Variants in AGMO observed in about 807,000 individuals in gnomAD.
The protein encoded by AGMO is alkylglycerol monooxygenase.
AGMO carries 75 observed loss-of-function variants against 60.2 expected under a neutral mutation model. That is an observed-to-expected ratio of 1.25 (90% CI 1.03 to 1.51). The LOEUF is 1.51. Ranked by LOEUF, AGMO falls within the 40% of genes most tolerant of loss-of-function variation. The pLI is 0.00. For synonymous variants in AGMO, 261 were observed against 177.1 expected (o/e 1.47, Z -3.76); for missense variants, 763 against 525.5 (o/e 1.45, Z -4.42).
chr7:15,496,462 G>T (rs775848511), intron 3 of AGMO, among the ~76,000 whole-genome samples: 16 of 151,818 alleles, frequency 1.1e-4, no homozygotes, highest in Non-Finnish European at 2.2e-4. Flanking sequence ...TAAACTCAGG[G>T]TTTCTCCCCT....
intron 12 of AGMO, among the ~76,000 whole-genome samples, chr7:15,287,741 A>G (rs1784139309): frequency 1.3e-5 from 2 of 152,198 alleles, no homozygotes; most frequent in Non-Finnish European, 2.9e-5. Context: ...AAATGTCTTC[A>G]TTAGCATCAA....
At chr7:15,384,409 C>A (rs1783828147) in intron 10 of AGMO, among the ~76,000 whole-genome samples, 1 of 152,136 alleles carries the variant, frequency 6.6e-6, no homozygotes. Flanking sequence ...CATATATTGT[C>A]AACATTTTTA....
intron 3 of AGMO, among the ~76,000 whole-genome samples, chr7:15,456,815 A>G (rs1409419105): frequency 6.6e-6 from 1 of 152,030 alleles, no homozygotes; most frequent in African/African-American, 2.4e-5. Context: ...AGCTTTCTTG[A>G]TTTAGCTAAC....
At chr7:15,473,978 G>C (rs1407660384) in intron 3 of AGMO, among the ~76,000 whole-genome samples, 1 of 151,984 alleles carries the variant, frequency 6.6e-6, no homozygotes, top group East Asian at 1.9e-4. Flanking sequence ...AAAATACCTA[G>C]GAATACAATC....
intron 6 of AGMO, 42 bp from the exon 7 acceptor site, chr7:15,390,947 T>A (rs771255235): frequency 3.1e-6 from 4 of 1,280,616 alleles, no homozygotes; most frequent in Non-Finnish European, 4.4e-6. Context: ...AGAAAAATAG[T>A]TATGCTTTTT....
At chr7:15,442,486 C>A (rs12699717) in intron 3 of AGMO, among the ~76,000 whole-genome samples, 52,370 of 152,004 alleles carry the variant, frequency 0.34, 10,802 homozygotes, top group Non-Finnish European at 0.48. Context: ...GTACAGATAA[C>A]CTCATGTCAT....
chr7:15,411,739 A>G (rs1354674790), intron 5 of AGMO, among the ~76,000 whole-genome samples: 1 of 152,100 alleles, frequency 6.6e-6, no homozygotes, highest in Non-Finnish European at 1.5e-5. Flanking sequence ...CAGAAATTTA[A>G]TATTCACTAA....
chr7:15,505,350 T>C (rs1783485079), intron 3 of AGMO, among the ~76,000 whole-genome samples: 1 of 151,962 alleles, frequency 6.6e-6, no homozygotes, highest in African/African-American at 2.4e-5. Flanking sequence ...AGACCTTGTA[T>C]TCATGTAAGA....
intron 10 of AGMO, among the ~76,000 whole-genome samples, chr7:15,378,957 C>A (rs1364600559): frequency 1.3e-5 from 2 of 152,132 alleles, no homozygotes; most frequent in South Asian, 2.1e-4. Context: ...CTAAGAAATT[C>A]ACTCAAAACC....
chr7:15,317,490 C>T (rs2128535738), intron 12 of AGMO, among the ~76,000 whole-genome samples: 1 of 152,216 alleles, frequency 6.6e-6, no homozygotes, highest in East Asian at 1.9e-4. Context: ...GATCAAATTA[C>T]ACTCACGTTG....
the AGMO span, among the ~76,000 whole-genome samples, chr7:15,165,336 G>A: frequency 8.6e-3 from 1,307 of 152,154 alleles, 25 homozygotes; most frequent in African/African-American, 0.03. Context: ...TCATCCTGCA[G>A]TATATCCATG....
chr7:15,544,905 A>G lies in AGMO; in HGVS notation c.276T>C (p.Ile92=). 6.4e-7 allele frequency: 1 copy of G among 1,552,832 alleles called. No homozygotes were observed. Among genetic ancestry groups the G allele is most frequent in the Non-Finnish European group, 8.7e-7 (1 of 1,149,216 alleles). The change falls in exon 3 of 13, where the codon ATT becomes ATC. Residue 92 remains isoleucine, a synonymous_variant. Coordinates refer to ENST00000342526, the MANE Select transcript of AGMO (RefSeq NM_001004320.2). Reference sequence around the variant, plus strand: ...AGATATAAATATAACTGGTCAGTTCAATGCTCCTGAAAAATAGACTGGAAG... The same window carrying G: ...AGATATAAATATAACTGGTCAGTTCGATGCTCCTGAAAAATAGACTGGAAG... The part of the protein sequence containing the change: ...SRLPSLFFRS[I]ELTSYIYIWE...
At chr7:15,451,112 C>G (rs1781844904) in intron 3 of AGMO, among the ~76,000 whole-genome samples, 1 of 151,934 alleles carries the variant, frequency 6.6e-6, no homozygotes, top group South Asian at 2.1e-4. Flanking sequence ...ATCCTTTCAT[C>G]TCTTTCATCC....
intron 12 of AGMO, among the ~76,000 whole-genome samples, chr7:15,235,200 A>T (rs1054336023): frequency 2.0e-5 from 3 of 151,940 alleles, no homozygotes; most frequent in African/African-American, 7.3e-5. Flanking sequence ...AATCTCTCTT[A>T]ATCTATAATA....
At chr7:15,485,167 C>G (rs12533944) in intron 3 of AGMO, among the ~76,000 whole-genome samples, 1 of 131,474 alleles carries the variant, frequency 7.6e-6, no homozygotes. Flanking sequence ...AAAAGAAAAA[C>G]ATTAGCAGGG....
rs1227481579 is a variant in AGMO, at chr7:15,322,595, T to TATATATAA, written c.1263+42911_1263+42918dup. 5.8e-4 allele frequency among the ~76,000 whole-genome samples: 26 copies of TATATATAA among 44,656 alleles called. 6 individuals carry two copies. Among genetic ancestry groups the TATATATAA allele is most frequent in the Non-Finnish European group, 8.1e-4 (23 of 28,286 alleles). The allele number at this position is 44,656 out of a possible 152,430, so 29.3% of individuals were successfully genotyped here. A position where few individuals can be genotyped will look rare whatever the true frequency, so the allele number is the denominator to read the frequency against. Reference sequence around the variant, plus strand: ...ATATAAATATATATAAATATATAAATATATATAAATATATATAAATATATA... The same window carrying TATATATAA: ...ATATAAATATATATAAATATATAAATATATATAAATATATAAATATATATAAATATATA... On this transcript the variant is annotated intron_variant, in intron 12 of 12. Coordinates refer to ENST00000342526, the MANE Select transcript of AGMO (RefSeq NM_001004320.2).
intron 8 of AGMO, 45 bp from the exon 9 acceptor site, chr7:15,387,585 G>A (rs755037463): frequency 7.9e-6 from 12 of 1,528,100 alleles, no homozygotes; most frequent in Non-Finnish European, 1.1e-5. Context: ...AGATAAATAG[G>A]AAAGATTAAA....
chr7:15,492,568 G>A (rs1264888210), intron 3 of AGMO, among the ~76,000 whole-genome samples: 1 of 151,290 alleles, frequency 6.6e-6, no homozygotes, highest in African/African-American at 2.4e-5. Flanking sequence ...AGTCCCCCAT[G>A]CTCCCTGAAT....
the AGMO span, among the ~76,000 whole-genome samples, chr7:15,137,999 T>C: frequency 9.0e-3 from 1,365 of 152,264 alleles, 23 homozygotes; most frequent in African/African-American, 0.031. Flanking sequence ...GCTTAAGCCA[T>C]ATCCTGGCCC....
Sources: gnomAD v4.1 joint callset for allele counts (sites outside exome capture counted in the v4.1 genomes callset) on GRCh38, gnomAD v4.1.1 for gene constraint, MANE v1.5 for transcripts, NCBI Gene and HGNC (gene_info 2026-07-23, HGNC 2026-07-21) for gene names.